TMLHE: variants seen among roughly 807,000 people sequenced by gnomAD.
TMLHE encodes the protein trimethyllysine hydroxylase, epsilon.
A neutral mutation model predicts 25.7 loss-of-function variants in TMLHE; 18 were observed. The observed-to-expected ratio is 0.70, with a 90% CI of 0.48 to 1.04. The LOEUF is 1.04. TMLHE is among the 50% of genes least tolerant of loss of function. The pLI, the probability that TMLHE is intolerant of heterozygous loss-of-function variation, is 0.00. For missense variants in TMLHE, 236 were observed against 259.0 expected, an observed-to-expected ratio of 0.91 and a Z score of 0.61; for synonymous variants, 105 against 97.0, an observed-to-expected ratio of 1.08 and a Z score of -0.49.
chrX:155,610,926 T>C (rs781947033), intron 1 of TMLHE, among the ~76,000 whole-genome samples: 16 of 110,551 alleles, frequency 1.4e-4, no homozygotes, highest in African/African-American at 5.3e-4. Flanking sequence ...TGGCACAGAG[T>C]TGACATTCAT....
chrX:155,581,528 T>A (rs1557344551), intron 1 of TMLHE, among the ~76,000 whole-genome samples: 3 of 110,557 alleles, frequency 2.7e-5, no homozygotes, highest in East Asian at 2.8e-4. Flanking sequence ...ATACACCAAT[T>A]ACAGACAAAC....
chrX:155,568,122 C>A lies in TMLHE; in HGVS notation c.-1-22845G>T, dbSNP rs1448292271. On this transcript the variant is annotated intron_variant, in intron 1 of 7. Coordinates refer to ENST00000334398, the MANE Select transcript of TMLHE (RefSeq NM_018196.4). Reference sequence around the variant, plus strand: ...ACAGATGGCACCTGGAAAATCGGGTCACTCCCACCCTAATACTGCGCTTTT... The same window carrying A: ...ACAGATGGCACCTGGAAAATCGGGTAACTCCCACCCTAATACTGCGCTTTT... 2.0e-4 allele frequency among the ~76,000 whole-genome samples: 12 copies of A among 61,206 alleles called. 3 individuals carry two copies. The highest frequency in any genetic ancestry group is 0.031 in the Middle Eastern group (2 of 65). The allele number at this position is 61,206 out of a possible 115,157, so 53.2% of individuals were successfully genotyped here.
Position 155,569,503 on chromosome X carries a change from T to C in TMLHE, c.-1-24226A>G, listed in dbSNP as rs782363620. Among the ~76,000 whole-genome samples, 7 of 56,070 alleles carry C rather than the reference T, an allele frequency of 1.2e-4. 1 individual carries two copies. Among genetic ancestry groups the C allele is most frequent in the African/African-American group, 1.7e-4 (4 of 23,235 alleles). 48.7% of individuals were successfully genotyped at this position (56,070 alleles called of 115,157 possible). A position where few individuals can be genotyped will look rare whatever the true frequency, so the allele number is the denominator to read the frequency against. On this transcript the variant is annotated intron_variant, in intron 1 of 7. Coordinates refer to ENST00000334398, the MANE Select transcript of TMLHE (RefSeq NM_018196.4). Reference sequence around the variant, plus strand: ...CAGAGAACGCCACAAAGATACTCCTTGAGAAGAGCAACTCCAAGACACATA... The same window carrying C: ...CAGAGAACGCCACAAAGATACTCCTCGAGAAGAGCAACTCCAAGACACATA...
chrX:155,541,892 GT>G (rs1191898716), intron 2 of TMLHE, among the ~76,000 whole-genome samples: 12 of 105,250 alleles, frequency 1.1e-4, no homozygotes, highest in African/African-American at 1.4e-4. Context: ...TGATGGGGTT[GT>G]TTTTTTTTTC....
At chrX:155,514,551 A>C (rs2067139582) in intron 3 of TMLHE, among the ~76,000 whole-genome samples, 1 of 110,961 alleles carries the variant, frequency 9.0e-6, no homozygotes, top group South Asian at 3.8e-4. Flanking sequence ...AAATTCATCA[A>C]GTCATCAAAG....
intron 1 of TMLHE, among the ~76,000 whole-genome samples, chrX:155,548,619 C>T (rs1389678741): frequency 9.2e-6 from 1 of 108,239 alleles, no homozygotes; most frequent in East Asian, 2.9e-4. Flanking sequence ...CCTGTATTCC[C>T]AGCTACTCAG....
chrX:155,548,535 G>GAGTTGGTGA (rs1491301815), intron 1 of TMLHE, among the ~76,000 whole-genome samples: 2 of 109,143 alleles, frequency 1.8e-5, no homozygotes, highest in African/African-American at 3.4e-5. Flanking sequence ...GCAGTATGAG[G>GAGTTGGTGA]CCAGCCTGAC....
intron 1 of TMLHE, among the ~76,000 whole-genome samples, chrX:155,562,268 G>A (rs2067499496): frequency 3.2e-5 from 2 of 62,227 alleles, no homozygotes; most frequent in African/African-American, 7.1e-5. Flanking sequence ...AGGGCTTGGG[G>A]CTTGCATCCT....
Position 155,511,802 on chromosome X carries a change from G to C in TMLHE, c.639-10C>G. 1 of 1,150,575 alleles carries C rather than the reference G, an allele frequency of 8.7e-7. No homozygotes were observed. Among genetic ancestry groups the C allele is most frequent in the Non-Finnish European group, 1.2e-6 (1 of 856,215 alleles). The allele number at this position is 1,150,575 out of a possible 1,213,427, so 94.8% of individuals were successfully genotyped here. On this transcript the variant is annotated splice_polypyrimidine_tract_variant and intron_variant, in intron 4 of 7. Coordinates refer to ENST00000334398, the MANE Select transcript of TMLHE (RefSeq NM_018196.4). ...CCCATAAATGGTTTCTCTGTTAGTT[G>C]AAATAAAGAAAGACCTGTTAGCTAT...
chrX:155,537,338 A>T (rs2067284918), intron 2 of TMLHE, among the ~76,000 whole-genome samples: 1 of 111,082 alleles, frequency 9.0e-6, no homozygotes, highest in Admixed American at 9.6e-5. Flanking sequence ...TGCTTTCTTA[A>T]TTATTCTAAT....
At chrX:155,559,910 C>G (rs782330157) in intron 1 of TMLHE, among the ~76,000 whole-genome samples, 15 of 112,443 alleles carry the variant, frequency 1.3e-4, no homozygotes, top group Non-Finnish European at 2.3e-4. Flanking sequence ...ATTCTCCTGC[C>G]TAAGACTTAG....
intron 2 of TMLHE, among the ~76,000 whole-genome samples, chrX:155,543,473 G>T (rs375645690): frequency 4.5e-5 from 5 of 111,628 alleles, no homozygotes; most frequent in African/African-American, 1.6e-4. Flanking sequence ...TAACCAAGGA[G>T]ATTAATAATC....
At chrX:155,584,960 C>A (rs1026852749) in intron 1 of TMLHE, among the ~76,000 whole-genome samples, 1 of 110,868 alleles carries the variant, frequency 9.0e-6, no homozygotes, top group Non-Finnish European at 1.9e-5. Context: ...ACTAGTAAAC[C>A]CTACACACAA....
chrX:155,553,064 AATACT>A (rs2067425645), intron 1 of TMLHE, among the ~76,000 whole-genome samples: 1 of 110,674 alleles, frequency 9.0e-6, no homozygotes, highest in African/African-American at 3.3e-5. Context: ...GTGGCCAAAA[AATACT>A]ATAATTGTTT....
chrX:155,588,263 C>T (rs1358972121), intron 1 of TMLHE, among the ~76,000 whole-genome samples: 3 of 111,885 alleles, frequency 2.7e-5, no homozygotes, highest in African/African-American at 9.7e-5. Context: ...AGGAAACCCT[C>T]TTCAATAGAT....
intron 1 of TMLHE, among the ~76,000 whole-genome samples, chrX:155,588,608 A>G (rs1039236864): frequency 3.6e-5 from 4 of 111,428 alleles, no homozygotes; most frequent in African/African-American, 1.3e-4. Context: ...TAATATCCAG[A>G]ATCTAGAAGG....
rs190160184 is a variant in TMLHE, at chrX:155,567,275, C to T, written c.-1-21998G>A. Among the ~76,000 whole-genome samples, 8 of 62,836 alleles carry T rather than the reference C, an allele frequency of 1.3e-4. 4 individuals carry two copies. The highest frequency in any genetic ancestry group is 3.6e-4 in the Non-Finnish European group (8 of 22,291). The allele number at this position is 62,836 out of a possible 115,157, so 54.6% of individuals were successfully genotyped here. A position where few individuals can be genotyped will look rare whatever the true frequency, so the allele number is the denominator to read the frequency against. On this transcript the variant is annotated intron_variant, in intron 1 of 7. Transcript: ENST00000334398. ...CATCTCCTGAAAGGCTGCAAGCCAACAGCTAGAGCATTTGACTTCCTGAAT... is the reference window on the plus strand; with the variant it reads ...CATCTCCTGAAAGGCTGCAAGCCAATAGCTAGAGCATTTGACTTCCTGAAT...
intron 2 of TMLHE, 111 bp downstream of exon 2, chrX:155,544,983 CTA>C: frequency 2.5e-6 from 2 of 793,208 alleles, no homozygotes; most frequent in Non-Finnish European, 3.7e-6. Flanking sequence ...AAATTTTGTA[CTA>C]TGTGTTTTCT....
rs191089814 is a variant in TMLHE, at chrX:155,546,231, C to T, written c.-1-954G>A. 7.0e-3 allele frequency among the ~76,000 whole-genome samples: 777 copies of T among 111,630 alleles called. 6 individuals are homozygous for T. Among genetic ancestry groups the T allele is most frequent in the African/African-American group, 0.024 (732 of 30,778 alleles). ...ATCACTGCTATTACTATCGTTATTA[C>T]GGCTGTTGTTAGGCATAAACTTTAT... is the stretch of plus-strand genomic sequence containing the variant. On this transcript the variant is annotated intron_variant, in intron 1 of 7. Transcript: ENST00000334398.
Sources: gnomAD v4.1 joint callset for allele counts (sites outside exome capture counted in the v4.1 genomes callset) on GRCh38, gnomAD v4.1.1 for gene constraint, MANE v1.5 for transcripts, NCBI Gene and HGNC (gene_info 2026-07-23, HGNC 2026-07-21) for gene names.